The following PAX3 variants were observed in gnomAD, a reference collection of about 807,000 sequenced individuals.
PAX3 encodes paired box protein Pax-3.
In PAX3, 14 loss-of-function variants were observed where a neutral mutation model predicts 51.6. The ratio of observed to expected loss-of-function variants is 0.27; its 90% CI spans 0.18 to 0.42. The LOEUF is 0.42. PAX3 is among the 10% of genes least tolerant of loss of function. The pLI is 1.00. For synonymous variants in PAX3, 280 were observed against 253.4 expected (o/e 1.11, Z -1.00); for missense variants, 540 against 642.8 (o/e 0.84, Z 1.73).
intron 7 of PAX3, among the ~76,000 whole-genome samples, chr2:222,217,644 G>A (rs771404696): frequency 7.2e-5 from 11 of 152,234 alleles, no homozygotes; most frequent in Non-Finnish European, 1.2e-4. Context: ...AACACTGTCC[G>A]TGTTATATGA....
chr2:222,274,548 C>T, intron 4 of PAX3, among the ~76,000 whole-genome samples: 1 of 150,674 alleles, frequency 6.6e-6, no homozygotes, highest in East Asian at 1.9e-4. Flanking sequence ...TTTTTAAAGT[C>T]TGCTTTTGCT....
chr2:222,280,007 T>G (rs1335059153), intron 4 of PAX3, among the ~76,000 whole-genome samples: 1 of 152,150 alleles, frequency 6.6e-6, no homozygotes, highest in Non-Finnish European at 1.5e-5. Context: ...TGTCAGGAGT[T>G]TGAGCCCAGC....
At chr2:222,238,759 C>G (rs1436443000) in intron 4 of PAX3, among the ~76,000 whole-genome samples, 2 of 152,110 alleles carry the variant, frequency 1.3e-5, no homozygotes, top group African/African-American at 2.4e-5. Context: ...GAAAAAAGAA[C>G]AAGATAAAAA....
intron 7 of PAX3, among the ~76,000 whole-genome samples, chr2:222,211,134 G>A (rs770545910): frequency 6.6e-6 from 1 of 152,126 alleles, no homozygotes; most frequent in African/African-American, 2.4e-5. Context: ...AAAGTCCTGA[G>A]ATTATAGGTG....
Position 222,295,673 on chromosome 2 carries a change from CG to C in PAX3, c.322-17del. ...TTGTCACCTGCTTTAAGAGAACAGG[CG>C]GGCAGGCGTTGGTACCCGGTACCCT... On this transcript the variant is annotated splice_polypyrimidine_tract_variant and intron_variant, in intron 2 of 8. Coordinates refer to ENST00000392070, the MANE Select transcript of PAX3 (RefSeq NM_181458.4). The C allele has an allele frequency of 6.2e-7, 1 of 1,613,950 alleles. No individual in the cohort carries two copies.
intron 8 of PAX3, 172 bp downstream of exon 8, chr2:222,201,772 A>C (rs1408037525): frequency 6.7e-6 from 10 of 1,493,288 alleles, no homozygotes; most frequent in African/African-American, 5.7e-5. Flanking sequence ...AGTTAAGAAA[A>C]TAATTACACA....
chr2:222,259,277 A>T (rs1425214647), intron 4 of PAX3, among the ~76,000 whole-genome samples: 2 of 152,176 alleles, frequency 1.3e-5, no homozygotes, highest in Admixed American at 6.5e-5. Flanking sequence ...GAATAAGCCC[A>T]TTCTCCACTT....
At chr2:222,238,213 C>T (rs983925981) in intron 4 of PAX3, among the ~76,000 whole-genome samples, 1 of 152,202 alleles carries the variant, frequency 6.6e-6, no homozygotes, top group Non-Finnish European at 1.5e-5. Flanking sequence ...AGTATTACCA[C>T]CAGCGGGCTA....
chr2:222,295,107 G>A (rs1026078962), intron 3 of PAX3, among the ~76,000 whole-genome samples: 2 of 152,134 alleles, frequency 1.3e-5, no homozygotes, highest in Admixed American at 1.3e-4. Context: ...GACTCTCGGA[G>A]GAAATCGGGG....
rs1175819640 is a variant in PAX3 at position 222,297,177 on chromosome 2, A to C, written c.122T>G (p.Leu41Arg). 6.3e-7 allele frequency: 1 copy of C among 1,596,944 alleles called. No homozygotes were observed. Among genetic ancestry groups the C allele is most frequent in the South Asian group, 1.1e-5 (1 of 88,592 alleles). Residue 41 changes from leucine to arginine, a missense_variant, in exon 2 of 9, where the codon CTC becomes CGC. Physicochemically the swap from Leu to Arg is moderately radical, Grantham distance 102 (BLOSUM62 -2). Coordinates refer to ENST00000392070, the MANE Select transcript of PAX3 (RefSeq NM_181458.4). ...CCTGCCGTTGATAAAAACACCGCCG[A>C]GCTGGTTGACGCGGCCCTGGCCGAG... Reference protein sequence around the residue: ...TPLGQGRVNQLGGVFINGRPL... With the variant: ...TPLGQGRVNQRGGVFINGRPL...
intron 7 of PAX3, chr2:222,214,920 A>G (rs1691893637): frequency 6.6e-6 from 1 of 151,932 alleles, no homozygotes; most frequent in South Asian, 2.1e-4. Context: ...ATTTAAGCCT[A>G]TTTTCTTATT....
intron 4 of PAX3, among the ~76,000 whole-genome samples, chr2:222,238,991 T>G (rs1027941018): frequency 6.6e-6 from 1 of 152,194 alleles, no homozygotes; most frequent in Non-Finnish European, 1.5e-5. Context: ...GAAGTAGCCC[T>G]TTTACGCTGA....
At chr2:222,260,602 T>TG (rs1196377783) in intron 4 of PAX3, among the ~76,000 whole-genome samples, 21 of 70,776 alleles carry the variant, frequency 3.0e-4, no homozygotes, top group Admixed American at 8.0e-4. Context: ...TTTTTTTTTT[T>TG]TTTTTTTGAG....
intron 4 of PAX3, among the ~76,000 whole-genome samples, chr2:222,255,779 ATTC>A (rs1693614429): frequency 7.4e-6 from 1 of 134,524 alleles, no homozygotes; most frequent in East Asian, 2.4e-4. Context: ...GCCCAATTAT[ATTC>A]TTTTTTTTTT....
intron 4 of PAX3, among the ~76,000 whole-genome samples, chr2:222,239,450 A>G (rs544796111): frequency 6.6e-6 from 1 of 152,174 alleles, no homozygotes; most frequent in Non-Finnish European, 1.5e-5. Flanking sequence ...TTCACAAGCT[A>G]AGAAGTAATC....
At chr2:222,267,064 C>G (rs547800363) in intron 4 of PAX3, among the ~76,000 whole-genome samples, 1 of 152,318 alleles carries the variant, frequency 6.6e-6, no homozygotes, top group African/African-American at 2.4e-5. Flanking sequence ...ACACTCTTAC[C>G]CGGAGATTGC....
At chr2:222,220,066 C>T (rs1692124309) in intron 7 of PAX3, 74 bp downstream of exon 7, 2 of 1,310,850 alleles carry the variant, frequency 1.5e-6, no homozygotes, top group African/African-American at 2.9e-5. Flanking sequence ...CAATTCATTA[C>T]ACTACTGCCT....
intron 7 of PAX3, among the ~76,000 whole-genome samples, chr2:222,205,822 T>C (rs1280824890): frequency 6.6e-6 from 1 of 152,112 alleles, no homozygotes; most frequent in African/African-American, 2.4e-5. Context: ...TACACTTTCA[T>C]GTATGTTTCT....
At chr2:222,210,935 C>T (rs1221366275) in intron 7 of PAX3, among the ~76,000 whole-genome samples, 2 of 152,108 alleles carry the variant, frequency 1.3e-5, no homozygotes, top group East Asian at 1.9e-4. Context: ...GGTGCAATCA[C>T]GGCTCACTGC....
Sources: allele counts gnomAD v4.1 joint callset (sites outside exome capture counted in the v4.1 genomes callset), GRCh38; gene constraint gnomAD v4.1.1; transcripts MANE v1.5; gene names NCBI Gene and HGNC (gene_info 2026-07-23, HGNC 2026-07-21).